The following AP2B1 variants were observed in gnomAD, a reference collection of about 807,000 sequenced individuals.
AP2B1 encodes AP-2 complex subunit beta.
AP2B1 carries 23 observed loss-of-function variants against 102.0 expected under a neutral mutation model. The ratio of observed to expected loss-of-function variants is 0.23; its 90% CI spans 0.16 to 0.32. AP2B1 has a LOEUF of 0.32. AP2B1 is among the 10% of genes least tolerant of loss of function. The pLI is 1.00. For synonymous variants in AP2B1, 381 were observed against 421.2 expected (o/e 0.90, Z 1.17); for missense variants, 541 against 1,157.4 (o/e 0.47, Z 7.73).
At chr17:35,628,771 G>T (rs2074383319) in intron 9 of AP2B1, among the ~76,000 whole-genome samples, 1 of 152,086 alleles carries the variant, frequency 6.6e-6, no homozygotes, top group African/African-American at 2.4e-5. Context: ...ACATAATGAA[G>T]GTTTTTGTTC....
intron 14 of AP2B1, among the ~76,000 whole-genome samples, chr17:35,665,960 T>G (rs1050841609): frequency 6.6e-6 from 1 of 152,252 alleles, no homozygotes; most frequent in Non-Finnish European, 1.5e-5. Flanking sequence ...TGATATTCCT[T>G]TATAAAATTT....
chr17:35,627,502 T>C lies in AP2B1; in HGVS notation c.1056T>C (p.Ala352=), dbSNP rs767592064. Residue 352 remains alanine, a synonymous_variant, in exon 8 of 22, where the codon GCT becomes GCC. Transcript: ENST00000610402. ...MIRLASQANI[A]QVLAELKEYA... Reference sequence around the variant, plus strand: ...GTTTGGCATCTCAAGCCAACATTGCTCAGGTCAGACTTTATGCAGACTCAA... The same window carrying C: ...GTTTGGCATCTCAAGCCAACATTGCCCAGGTCAGACTTTATGCAGACTCAA... 3 of 1,614,072 alleles carry C rather than the reference T, an allele frequency of 1.9e-6. No homozygotes were observed. The highest frequency in any genetic ancestry group is 2.5e-6 in the Non-Finnish European group (3 of 1,180,002).
At chr17:35,682,155 T>G (rs2075834539) in intron 17 of AP2B1, among the ~76,000 whole-genome samples, 1 of 151,726 alleles carries the variant, frequency 6.6e-6, no homozygotes, top group Admixed American at 6.6e-5. Context: ...CCTGGGGGAC[T>G]CATGTGCGAG....
At chr17:35,663,450 C>G (rs956341434) in intron 14 of AP2B1, among the ~76,000 whole-genome samples, 12 of 152,044 alleles carry the variant, frequency 7.9e-5, no homozygotes, top group Non-Finnish European at 1.3e-4. Context: ...GATTTGAACC[C>G]AGGGCTTCTT....
At chr17:35,599,275 A>G (rs2073398135) in intron 3 of AP2B1, among the ~76,000 whole-genome samples, 1 of 152,248 alleles carries the variant, frequency 6.6e-6, no homozygotes, top group Non-Finnish European at 1.5e-5. Context: ...CAGACAAACT[A>G]TATTTAATCA....
intron 18 of AP2B1, among the ~76,000 whole-genome samples, chr17:35,703,139 G>C (rs1013156984): frequency 2.0e-5 from 3 of 152,044 alleles, no homozygotes; most frequent in African/African-American, 7.2e-5. Context: ...GGGCGTGGTG[G>C]CCAGCGCCTG....
At chr17:35,626,416 T>A (rs1341126785) in intron 6 of AP2B1, among the ~76,000 whole-genome samples, 1 of 152,136 alleles carries the variant, frequency 6.6e-6, no homozygotes, top group African/African-American at 2.4e-5. Flanking sequence ...AGTCTTCTTA[T>A]GTCCCTGCTC....
chr17:35,591,854 CA>C (rs1181275227), intron 1 of AP2B1, among the ~76,000 whole-genome samples: 1 of 152,142 alleles, frequency 6.6e-6, no homozygotes, highest in Non-Finnish European at 1.5e-5. Flanking sequence ...AGGCAAGCTT[CA>C]GTATAATTTT....
In AP2B1 at chr17:35,725,579, C is replaced by T. The variant is rs1398234903; in HGVS notation, c.*1880C>T. On this transcript the variant is annotated 3_prime_UTR_variant, in exon 22 of 22. Transcript: ENST00000610402. ...GAGGAAATATGTCCCTTGCACACCA[C>T]CCCTGAAGCACATGGCAGTAGGAAA... is the stretch of plus-strand genomic sequence containing the variant. 2 of 152,344 alleles carry T rather than the reference C, an allele frequency of 1.3e-5. No homozygotes were observed. Among genetic ancestry groups the T allele is most frequent in the African/African-American group, 4.8e-5 (2 of 41,398 alleles). 9.4% of individuals were successfully genotyped at this position (152,344 alleles called of 1,614,324 possible).
At chr17:35,716,098 T>C (rs1190463148) in intron 20 of AP2B1, among the ~76,000 whole-genome samples, 1 of 152,212 alleles carries the variant, frequency 6.6e-6, no homozygotes, top group Non-Finnish European at 1.5e-5. Context: ...ATCCCTTTGT[T>C]CAGAGAGCTT....
chr17:35,647,530 C>G (rs957983236), intron 12 of AP2B1, among the ~76,000 whole-genome samples: 1 of 152,092 alleles, frequency 6.6e-6, no homozygotes, highest in Non-Finnish European at 1.5e-5. Context: ...TACACATACA[C>G]ACATTTCTAT....
At chr17:35,669,101 T>C (rs2075531773) in intron 14 of AP2B1, among the ~76,000 whole-genome samples, 1 of 151,840 alleles carries the variant, frequency 6.6e-6, no homozygotes, top group Non-Finnish European at 1.5e-5. Context: ...TCTATTCCCT[T>C]CACACTTTTC....
intron 2 of AP2B1, chr17:35,597,178 C>A (rs530005576): frequency 6.9e-4 from 316 of 460,216 alleles, no homozygotes; most frequent in Non-Finnish European, 9.8e-4. Context: ...TTGAAAGGAA[C>A]GACAGGAACA....
At chr17:35,646,231 C>T (rs2074929416) in intron 12 of AP2B1, among the ~76,000 whole-genome samples, 1 of 152,194 alleles carries the variant, frequency 6.6e-6, no homozygotes, top group Non-Finnish European at 1.5e-5. Context: ...AGTCACCAAA[C>T]ATTTAATGGC....
chr17:35,654,437 G>T (rs923726283), intron 13 of AP2B1, among the ~76,000 whole-genome samples: 19 of 152,020 alleles, frequency 1.2e-4, no homozygotes, highest in African/African-American at 4.6e-4. Flanking sequence ...AACAAACTTG[G>T]ATATACCTAT....
At chr17:35,642,264 A>G (rs1336569395) in intron 12 of AP2B1, among the ~76,000 whole-genome samples, 1 of 151,580 alleles carries the variant, frequency 6.6e-6, no homozygotes, top group Non-Finnish European at 1.5e-5. Flanking sequence ...ACGTGATCTG[A>G]TAGTACCTGC....
chr17:35,670,764 T>G, intron 14 of AP2B1, 93 bp from the exon 15 acceptor site: 1 of 1,332,750 alleles, frequency 7.5e-7, no homozygotes, highest in Non-Finnish European at 1.1e-6. Flanking sequence ...TTCCAGCAAC[T>G]TGGTAGAGCA....
intron 18 of AP2B1, among the ~76,000 whole-genome samples, chr17:35,683,971 A>G (rs2075878117): frequency 1.3e-5 from 2 of 152,258 alleles, no homozygotes; most frequent in Non-Finnish European, 2.9e-5. Flanking sequence ...AATCAATGCC[A>G]TAGATGAGTT....
chr17:35,598,105 C>G (rs1006951830), intron 2 of AP2B1, 125 bp from the exon 3 acceptor site: 47 of 421,916 alleles, frequency 1.1e-4, no homozygotes, highest in Non-Finnish European at 1.1e-4. Flanking sequence ...TTTATATATT[C>G]TATAATTTTA....
Sources: gnomAD v4.1 joint callset for allele counts (sites outside exome capture counted in the v4.1 genomes callset) on GRCh38, gnomAD v4.1.1 for gene constraint, MANE v1.5 for transcripts, NCBI Gene and HGNC (gene_info 2026-07-23, HGNC 2026-07-21) for gene names.